The following ARHGAP24 variants were observed in gnomAD, a reference collection of about 807,000 sequenced individuals.
ARHGAP24 encodes rho GTPase-activating protein 24.
ARHGAP24 carries 50 observed loss-of-function variants against 76.4 expected under a neutral mutation model. That is an observed-to-expected ratio of 0.65 (90% CI 0.52 to 0.83). The LOEUF is 0.83. Ranked by LOEUF, ARHGAP24 falls within the 40% of genes least tolerant of loss-of-function variation. The pLI is 0.00. For synonymous variants in ARHGAP24, 345 were observed against 323.3 expected (o/e 1.07, Z -0.72); for missense variants, 930 against 914.2 (o/e 1.02, Z -0.22).
chr4:85,738,108 A>G (rs1481441515), intron 3 of ARHGAP24, among the ~76,000 whole-genome samples: 5 of 151,956 alleles, frequency 3.3e-5, no homozygotes, highest in African/African-American at 1.2e-4. Context: ...TTTAGTAGAG[A>G]CAGAGTTTCA....
At chr4:85,531,777 G>A (rs1725266570) in intron 1 of ARHGAP24, among the ~76,000 whole-genome samples, 1 of 152,046 alleles carries the variant, frequency 6.6e-6, no homozygotes, top group African/African-American at 2.4e-5. Context: ...GTGAGCAAGT[G>A]TACAAGATCA....
rs1042584598 is a variant in ARHGAP24 at position 85,930,270 on chromosome 4, C to T, written c.391+6500C>T. ...TCGACTGTTCTGACGTTGTGATTCTCTCGGGAGTTTGAAGACAGAAAGGAA... is the reference window on the plus strand; with the variant it reads ...TCGACTGTTCTGACGTTGTGATTCTTTCGGGAGTTTGAAGACAGAAAGGAA... On this transcript the variant is annotated intron_variant, in intron 4 of 9. Coordinates refer to ENST00000395184, the MANE Select transcript of ARHGAP24 (RefSeq NM_001025616.3). 8 of 985,360 alleles carry T rather than the reference C, an allele frequency of 8.1e-6. No individual in the cohort carries two copies. The African/African-American group carries it at 1.2e-4, about 15-fold the overall frequency. 61.0% of individuals were successfully genotyped at this position (985,360 alleles called of 1,614,324 possible).
chr4:85,921,619 CTG>C (rs1735725823), intron 3 of ARHGAP24, among the ~76,000 whole-genome samples: 1 of 152,024 alleles, frequency 6.6e-6, no homozygotes, highest in Admixed American at 6.6e-5. Context: ...TAAGATAAAA[CTG>C]TGATTCTAGC....
intron 3 of ARHGAP24, among the ~76,000 whole-genome samples, chr4:85,765,608 A>G (rs1726902791): frequency 6.6e-6 from 1 of 152,162 alleles, no homozygotes; most frequent in South Asian, 2.1e-4. Flanking sequence ...TTAAGAAAGA[A>G]TATAATTAGA....
chr4:85,975,654 A>G (rs1739275993), intron 7 of ARHGAP24: 1 of 152,272 alleles, frequency 6.6e-6, no homozygotes, highest in African/African-American at 2.4e-5. Context: ...TGCAAAATTG[A>G]AACAGAATAA....
intron 3 of ARHGAP24, among the ~76,000 whole-genome samples, chr4:85,792,495 G>C (rs1226842211): frequency 1.3e-5 from 2 of 151,940 alleles, no homozygotes; most frequent in Non-Finnish European, 2.9e-5. Context: ...TTACAATTCT[G>C]AATTTATTGC....
At chr4:85,802,945 AG>A (rs1268914680) in intron 3 of ARHGAP24, among the ~76,000 whole-genome samples, 28 of 152,220 alleles carry the variant, frequency 1.8e-4, no homozygotes, top group Admixed American at 1.8e-3. Context: ...AAAAGGATAA[AG>A]GGGTTGTGAG....
chr4:85,798,242 G>T (rs1230245005), intron 3 of ARHGAP24, among the ~76,000 whole-genome samples: 1 of 152,114 alleles, frequency 6.6e-6, no homozygotes, highest in Non-Finnish European at 1.5e-5. Context: ...CAACAATTTG[G>T]ATGGAACCCA....
chr4:85,595,745 G>A (rs1719805978), intron 2 of ARHGAP24, among the ~76,000 whole-genome samples: 1 of 152,024 alleles, frequency 6.6e-6, no homozygotes. Flanking sequence ...AAATCCCAAA[G>A]ATAGGTGTAG....
At chr4:85,939,546 T>C (rs192915265) in intron 4 of ARHGAP24, among the ~76,000 whole-genome samples, 155 of 152,304 alleles carry the variant, frequency 1.0e-3, no homozygotes, top group African/African-American at 3.4e-3. Flanking sequence ...GGACTCAGAA[T>C]ATAATAAATA....
chr4:85,721,829 G>T, intron 2 of ARHGAP24, 56 bp from the exon 3 acceptor site: 8 of 1,412,632 alleles, frequency 5.7e-6, no homozygotes, highest in Non-Finnish European at 8.0e-6. Flanking sequence ...TTATAATGAT[G>T]ATATATGATG....
chr4:85,969,097 G>C (rs940232360), intron 5 of ARHGAP24, among the ~76,000 whole-genome samples: 1 of 151,984 alleles, frequency 6.6e-6, no homozygotes, highest in Non-Finnish European at 1.5e-5. Context: ...GAAAATTGCT[G>C]GTAGAGGAAG....
intron 3 of ARHGAP24, among the ~76,000 whole-genome samples, chr4:85,814,503 C>G (rs1263990703): frequency 6.6e-6 from 1 of 152,202 alleles, no homozygotes; most frequent in African/African-American, 2.4e-5. Context: ...GTACCCCATG[C>G]AAGTCCAAAA....
chr4:85,895,664 T>A (rs574998326), intron 3 of ARHGAP24, among the ~76,000 whole-genome samples: 1 of 152,332 alleles, frequency 6.6e-6, no homozygotes, highest in Non-Finnish European at 1.5e-5. Flanking sequence ...TCAGTCTGAC[T>A]TTTTTCTGTA....
At chr4:85,627,993 G>T (rs1283555802) in intron 2 of ARHGAP24, among the ~76,000 whole-genome samples, 2 of 152,182 alleles carry the variant, frequency 1.3e-5, no homozygotes, top group African/African-American at 4.8e-5. Flanking sequence ...TCTTTGACTA[G>T]GAAAGGGAAT....
intron 3 of ARHGAP24, among the ~76,000 whole-genome samples, chr4:85,789,658 C>T (rs1728027950): frequency 6.6e-6 from 1 of 152,098 alleles, no homozygotes; most frequent in Non-Finnish European, 1.5e-5. Flanking sequence ...TCAGGGCTAC[C>T]CTGTTCTGGA....
chr4:85,670,431 A>C (rs1421582148), intron 2 of ARHGAP24, among the ~76,000 whole-genome samples: 2 of 152,224 alleles, frequency 1.3e-5, no homozygotes, highest in Admixed American at 6.5e-5. Flanking sequence ...CAGAGCAGAA[A>C]GCTCTAGGGC....
intron 1 of ARHGAP24, among the ~76,000 whole-genome samples, chr4:85,503,861 T>G (rs1033968489): frequency 6.6e-6 from 1 of 152,252 alleles, no homozygotes; most frequent in Non-Finnish European, 1.5e-5. Context: ...TTTAGTGCTA[T>G]AAATTTCCCT....
At position 85,994,788 on chromosome 4, in the gene ARHGAP24, G is replaced by T. The variant is rs1740547680; in HGVS notation, c.1134G>T (p.Lys378Asn). Residue 378 changes from lysine (K) to asparagine (N), a missense_variant, in exon 9 of 10, where the codon AAG becomes AAT. Lys to Asn is a moderately conservative substitution (Grantham distance 94). Coordinates refer to ENST00000395184, the MANE Select transcript of ARHGAP24 (RefSeq NM_001025616.3). ...DSPSRQCSWD[K>N]SESPQRSSMN... ...CTAGTAGGCAGTGCTCCTGGGACAA[G>T]TCTGAGTCACCCCAGAGAAGCAGCA... is the stretch of plus-strand genomic sequence containing the variant. 4 of 1,613,998 alleles carry T rather than the reference G, an allele frequency of 2.5e-6. No homozygotes were observed. Among genetic ancestry groups the T allele is most frequent in the Non-Finnish European group, 3.4e-6 (4 of 1,180,034 alleles).
Sources: allele counts gnomAD v4.1 joint callset (sites outside exome capture counted in the v4.1 genomes callset), GRCh38; gene constraint gnomAD v4.1.1; transcripts MANE v1.5; gene names NCBI Gene and HGNC (gene_info 2026-07-23, HGNC 2026-07-21).